CDH4: variants seen among roughly 807,000 people sequenced by gnomAD.
CDH4 encodes the protein cadherin-4.
A neutral mutation model predicts 86.0 loss-of-function variants in CDH4; 33 were observed. That is an observed-to-expected ratio of 0.38 (90% CI 0.29 to 0.51). The LOEUF (loss-of-function observed/expected upper bound fraction) is 0.51, where lower values mean the gene tolerates loss of function less well. CDH4 is among the 20% of genes least tolerant of loss of function. The pLI is 0.86. For missense variants in CDH4, 1,114 were observed against 1,307.4 expected, an observed-to-expected ratio of 0.85 and a Z score of 2.28; for synonymous variants, 555 against 549.4, an observed-to-expected ratio of 1.01 and a Z score of -0.14.
At chr20:61,873,630 C>G in intron 6 of CDH4, 98 bp from the exon 7 acceptor site, 1 of 1,340,214 alleles carries the variant, frequency 7.5e-7, no homozygotes, top group Middle Eastern at 2.5e-4. Flanking sequence ...GCCAGACTCA[C>G]GGAGAGCTCT....
At chr20:61,421,890 G>C (rs1377613912) in intron 2 of CDH4, among the ~76,000 whole-genome samples, 1 of 152,176 alleles carries the variant, frequency 6.6e-6, no homozygotes, top group East Asian at 1.9e-4. Flanking sequence ...AAACCAAGCA[G>C]CTTTAACACA....
At chr20:61,793,717 G>A (rs149763738) in intron 4 of CDH4, among the ~76,000 whole-genome samples, 1 of 151,860 alleles carries the variant, frequency 6.6e-6, no homozygotes, top group Non-Finnish European at 1.5e-5. Context: ...GCAGACACCT[G>A]TAATCCCAGC....
At position 61,873,791 on chromosome 20, in the gene CDH4, T is replaced by C. The variant is rs952652754; in HGVS notation, c.941T>C (p.Val314Ala). ...ADDSTTANGM[V>A]RYRIVTQTPQ... ...GACAGCACCACGGCCAACGGGATGG[T>C]GCGGTACCGGATCGTGACCCAGACC... Residue 314 changes from valine to alanine, a missense_variant, in exon 7 of 16, where the codon GTG becomes GCG. Around this residue, in one of 3 missense-constraint regions of CDH4, gnomAD observed 705 missense variants for 914.1 expected, o/e 0.77. Coordinates refer to ENST00000614565, the MANE Select transcript of CDH4 (RefSeq NM_001794.5). 6.2e-7 allele frequency: 1 copy of C among 1,614,012 alleles called. No individual in the cohort carries two copies. The highest frequency in any genetic ancestry group is 8.5e-7 in the Non-Finnish European group (1 of 1,180,030).
chr20:61,856,365 GC>G (rs924547897), intron 6 of CDH4, among the ~76,000 whole-genome samples: 5 of 148,660 alleles, frequency 3.4e-5, no homozygotes, highest in Non-Finnish European at 7.5e-5. Flanking sequence ...GGTCCTGTGT[GC>G]CCCCCACACT....
In CDH4 at chr20:61,417,203, A is replaced by G. The variant is rs1309937508; in HGVS notation, c.169+162266A>G. 4.6e-5 allele frequency among the ~76,000 whole-genome samples: 7 copies of G among 152,026 alleles called. No homozygotes were observed. Among genetic ancestry groups the G allele is most frequent in the Admixed American group, 2.0e-4 (3 of 15,274 alleles). On this transcript the variant is annotated intron_variant, in intron 2 of 15. Transcript: ENST00000614565. This position sits in a 1 kb window ranked among gnomAD's most constrained non-coding sequence, Gnocchi z 4.0. ...TGGGGGCATGCAGTCCTGGTCTCCA[A>G]GAGACTCACTCTTTCTCTCTTGGTC...
intron 2 of CDH4, among the ~76,000 whole-genome samples, chr20:61,730,938 G>C (rs146074135): frequency 1.8e-3 from 281 of 152,232 alleles, no homozygotes; most frequent in Admixed American, 3.1e-3. Flanking sequence ...GGGTATCCAG[G>C]GGCTCCGGCT....
intron 2 of CDH4, among the ~76,000 whole-genome samples, chr20:61,592,379 A>G (rs1373532594): frequency 6.6e-6 from 1 of 152,162 alleles, no homozygotes; most frequent in Non-Finnish European, 1.5e-5. Flanking sequence ...GTGGTTCCAC[A>G]GGGGCGCCCG....
chr20:61,725,054 C>T (rs2088093949), intron 2 of CDH4, among the ~76,000 whole-genome samples: 1 of 152,136 alleles, frequency 6.6e-6, no homozygotes, highest in Non-Finnish European at 1.5e-5. Flanking sequence ...CAAGATGGTA[C>T]TGAGCTATGA....
chr20:61,872,220 C>T (rs1387540209), intron 6 of CDH4, among the ~76,000 whole-genome samples: 1 of 152,206 alleles, frequency 6.6e-6, no homozygotes, highest in East Asian at 1.9e-4. Flanking sequence ...ATGGACCCAG[C>T]CCCGCCCTTG....
chr20:61,305,081 G>C (rs1170757445), intron 2 of CDH4, among the ~76,000 whole-genome samples: 1 of 151,944 alleles, frequency 6.6e-6, no homozygotes, highest in Non-Finnish European at 1.5e-5. Context: ...TGTTGTGTGT[G>C]TTGTGTATGC....
rs76713968 is a variant in CDH4 at position 61,718,763 on chromosome 20, A to G, written c.170-24800A>G. 2.4e-3 allele frequency: 1,107 copies of G among 469,914 alleles called. 12 individuals carry two copies. The highest frequency in any genetic ancestry group is 0.02 in the African/African-American group (1,028 of 50,166). 29.1% of individuals were successfully genotyped at this position (469,914 alleles called of 1,614,324 possible). A position where few individuals can be genotyped will look rare whatever the true frequency, so the allele number is the denominator to read the frequency against. ...AGACACTAGGCTAACAGGCCACCCT[A>G]CACCCCTGCACACACACACTCTCAC... On this transcript the variant is annotated intron_variant, in intron 2 of 15. Coordinates refer to ENST00000614565, the MANE Select transcript of CDH4 (RefSeq NM_001794.5).
chr20:61,778,343 T>C (rs974238938), intron 4 of CDH4, among the ~76,000 whole-genome samples: 1 of 152,112 alleles, frequency 6.6e-6, no homozygotes, highest in Non-Finnish European at 1.5e-5. Flanking sequence ...GGCATTTCAT[T>C]CTGATAAAAT....
chr20:61,596,981 G>A (rs927761938), intron 2 of CDH4, among the ~76,000 whole-genome samples: 1 of 152,220 alleles, frequency 6.6e-6, no homozygotes, highest in African/African-American at 2.4e-5. Context: ...AAACAAGTCT[G>A]TGAGGTAGGA....
intron 6 of CDH4, among the ~76,000 whole-genome samples, chr20:61,855,544 C>T (rs967189376): frequency 6.6e-6 from 1 of 152,200 alleles, no homozygotes; most frequent in Non-Finnish European, 1.5e-5. Flanking sequence ...GCCTCTCTCC[C>T]GGAGACCCAG....
intron 2 of CDH4, among the ~76,000 whole-genome samples, chr20:61,425,181 G>A (rs527257638): frequency 2.0e-5 from 3 of 152,352 alleles, no homozygotes; most frequent in South Asian, 2.1e-4. Context: ...GTGCAGAGCT[G>A]CCTGCAGAGC....
intron 4 of CDH4, among the ~76,000 whole-genome samples, chr20:61,803,641 A>G (rs543335422): frequency 6.6e-6 from 1 of 152,320 alleles, no homozygotes; most frequent in East Asian, 1.9e-4. Context: ...GCGGGATTCC[A>G]GTTACTCTGC....
chr20:61,734,471 C>CT (rs1049813474), intron 2 of CDH4, among the ~76,000 whole-genome samples: 17 of 152,258 alleles, frequency 1.1e-4, no homozygotes, highest in African/African-American at 3.9e-4. Context: ...TTGTGACATG[C>CT]TTTGCATTGG....
intron 2 of CDH4, among the ~76,000 whole-genome samples, chr20:61,677,514 C>CA (rs1025775978): frequency 1.7e-4 from 26 of 151,998 alleles, no homozygotes; most frequent in African/African-American, 4.8e-5. Context: ...CTTTTTTAAA[C>CA]AAAAAAACAC....
chr20:61,785,789 A>G (rs1178728049), intron 4 of CDH4, among the ~76,000 whole-genome samples: 1 of 152,186 alleles, frequency 6.6e-6, no homozygotes, highest in Non-Finnish European at 1.5e-5. Context: ...CAGCTTAGCC[A>G]CTTAGCCACT....
Sources: gnomAD v4.1 joint callset for allele counts (sites outside exome capture counted in the v4.1 genomes callset) on GRCh38, gnomAD v4.1.1 for gene constraint, gnomAD v4.1.1 regional missense constraint, Gnocchi (gnomAD v3.1) non-coding constraint, MANE v1.5 for transcripts, NCBI Gene and HGNC (gene_info 2026-07-23, HGNC 2026-07-21) for gene names.